Variants in FCHSD2 observed in about 807,000 individuals in gnomAD.
FCHSD2 encodes the protein F-BAR and double SH3 domains protein 2.
In FCHSD2, 38 loss-of-function variants were observed where a neutral mutation model predicts 108.1. The observed-to-expected ratio is 0.35, with a 90% CI of 0.27 to 0.46. The LOEUF is 0.46. Among genes scored for constraint, FCHSD2 ranks in the 20% least tolerant of loss-of-function variants. The probability of loss-of-function intolerance (pLI) is 1.00; values close to 1 mark genes in which losing one functional copy is unlikely to be tolerated. For synonymous variants in FCHSD2, 279 were observed against 314.7 expected, an observed-to-expected ratio of 0.89 and a Z score of 1.20; for missense variants, 751 against 897.8, an observed-to-expected ratio of 0.84 and a Z score of 2.09.
chr11:73,022,087 GT>G (rs1858123605), intron 3 of FCHSD2, among the ~76,000 whole-genome samples: 1 of 151,990 alleles, frequency 6.6e-6, no homozygotes, highest in African/African-American at 2.4e-5. Context: ...GAGTGATTCT[GT>G]GTCTCAACAA....
At chr11:73,035,078 G>A (rs6592506) in intron 3 of FCHSD2, among the ~76,000 whole-genome samples, 34,183 of 152,098 alleles carry the variant, frequency 0.22, 4,603 homozygotes, top group Middle Eastern at 0.37. Flanking sequence ...CTGGTTAAGA[G>A]CACAGACACA....
rs149845018 is a variant in FCHSD2, at chr11:72,890,668, A to G, written c.925-723T>C. ...CAAGGTACTATGGAAAGTGCTTCAT[A>G]TAACTTTTTTTTTTTTTAACAACCT... On this transcript the variant is annotated intron_variant, in intron 10 of 19. Transcript: ENST00000409418. Among the ~76,000 whole-genome samples, 124 of 152,116 alleles carry G rather than the reference A, an allele frequency of 8.2e-4. 9 individuals carry two copies. In the East Asian group the frequency reaches 0.012, roughly 15 times the overall value.
intron 2 of FCHSD2, among the ~76,000 whole-genome samples, chr11:73,097,376 A>AT (rs1213577421): frequency 2.8e-5 from 4 of 145,322 alleles, no homozygotes; most frequent in Non-Finnish European, 6.1e-5. Flanking sequence ...GGTTTATTTT[A>AT]TTTATTTATT....
chr11:72,991,297 G>A (rs1290475193), intron 5 of FCHSD2, among the ~76,000 whole-genome samples: 1 of 152,128 alleles, frequency 6.6e-6, no homozygotes, highest in Non-Finnish European at 1.5e-5. Context: ...GGAGGAGCTG[G>A]TACCATTCCT....
chr11:73,130,415 C>A (rs938748912), intron 2 of FCHSD2, among the ~76,000 whole-genome samples: 6 of 152,136 alleles, frequency 3.9e-5, no homozygotes. Context: ...CTATTCTTAA[C>A]CCTAGAGATA....
intron 11 of FCHSD2, among the ~76,000 whole-genome samples, chr11:72,888,185 C>A (rs1053966708): frequency 3.6e-4 from 54 of 152,010 alleles, no homozygotes; most frequent in African/African-American, 1.2e-3. Context: ...AAGAGGAACC[C>A]ATGAAAAAAT....
At chr11:72,909,341 A>G (rs550038627) in intron 9 of FCHSD2, among the ~76,000 whole-genome samples, 54 of 151,934 alleles carry the variant, frequency 3.6e-4, no homozygotes, top group African/African-American at 1.3e-3. Flanking sequence ...TCAATGCTCA[A>G]TGTTGCCCAG....
At chr11:73,100,982 A>G (rs1197308525) in intron 2 of FCHSD2, among the ~76,000 whole-genome samples, 2 of 151,982 alleles carry the variant, frequency 1.3e-5, no homozygotes, top group Non-Finnish European at 2.9e-5. Flanking sequence ...CAAGTGTCTA[A>G]GCTCTGAGCT....
intron 3 of FCHSD2, among the ~76,000 whole-genome samples, chr11:73,028,127 G>A (rs1470327401): frequency 6.6e-6 from 1 of 152,132 alleles, no homozygotes; most frequent in East Asian, 1.9e-4. Flanking sequence ...CTGGAGGGGT[G>A]AGAAGAGAGC....
At chr11:73,116,940 C>T (rs1860618350) in intron 2 of FCHSD2, among the ~76,000 whole-genome samples, 1 of 55,160 alleles carries the variant, frequency 1.8e-5, no homozygotes, top group African/African-American at 9.9e-5. Flanking sequence ...TAAAACCTTT[C>T]CATTTTTCCC....
chr11:73,115,512 T>A (rs563638326), intron 2 of FCHSD2, among the ~76,000 whole-genome samples: 3 of 152,352 alleles, frequency 2.0e-5, no homozygotes, highest in African/African-American at 7.2e-5. Flanking sequence ...CTCTATACTT[T>A]CGTGTCGTTT....
intron 13 of FCHSD2, among the ~76,000 whole-genome samples, chr11:72,862,561 C>A (rs1854623014): frequency 6.6e-6 from 1 of 152,152 alleles, no homozygotes; most frequent in Admixed American, 6.5e-5. Context: ...AACTACAAAA[C>A]ATTGCTGAGA....
intron 8 of FCHSD2, among the ~76,000 whole-genome samples, chr11:72,977,617 C>A (rs542141853): frequency 6.6e-6 from 1 of 152,206 alleles, no homozygotes; most frequent in Non-Finnish European, 1.5e-5. Flanking sequence ...TATGTGCTGC[C>A]GAAGCGAGCA....
chr11:72,957,163 C>T (rs1856729021), intron 8 of FCHSD2, among the ~76,000 whole-genome samples: 1 of 148,406 alleles, frequency 6.7e-6, no homozygotes, highest in African/African-American at 2.5e-5. Flanking sequence ...AGGTATATCT[C>T]CCAGTGCTAT....
chr11:73,094,382 C>A (rs746010900), intron 2 of FCHSD2, among the ~76,000 whole-genome samples: 1 of 152,166 alleles, frequency 6.6e-6, no homozygotes, highest in African/African-American at 2.4e-5. Context: ...ATTAAACTTA[C>A]ATTTATTTTG....
intron 3 of FCHSD2, 53 bp from the exon 4 acceptor site, chr11:73,015,938 C>A (rs533767455): frequency 5.0e-6 from 5 of 990,580 alleles, no homozygotes; most frequent in South Asian, 1.5e-5. Flanking sequence ...ATAAAGGAAG[C>A]TCTTTTCCTT....
At chr11:72,892,286 A>G (rs971617943) in intron 10 of FCHSD2, among the ~76,000 whole-genome samples, 6 of 152,200 alleles carry the variant, frequency 3.9e-5, no homozygotes, top group Non-Finnish European at 7.4e-5. Flanking sequence ...GTCTACTAAG[A>G]CTTGGGAGTC....
chr11:72,871,097 T>C (rs1854848432), intron 12 of FCHSD2, among the ~76,000 whole-genome samples: 1 of 152,190 alleles, frequency 6.6e-6, no homozygotes, highest in African/African-American at 2.4e-5. Flanking sequence ...TCTTTAGCCC[T>C]TGTTCCATAA....
intron 8 of FCHSD2, among the ~76,000 whole-genome samples, chr11:72,960,034 CT>C: frequency 6.6e-6 from 1 of 152,060 alleles, no homozygotes; most frequent in East Asian, 1.9e-4. Context: ...TTCTGCACTG[CT>C]GTAAAGGAAT....
Sources: allele counts gnomAD v4.1 joint callset (sites outside exome capture counted in the v4.1 genomes callset), GRCh38; gene constraint gnomAD v4.1.1; transcripts MANE v1.5; gene names NCBI Gene and HGNC (gene_info 2026-07-23, HGNC 2026-07-21).